MTA3: variants seen among roughly 807,000 people sequenced by gnomAD.
MTA3 encodes metastasis associated 1 family member 3.
MTA3 carries 34 observed loss-of-function variants against 83.5 expected under a neutral mutation model. The ratio of observed to expected loss-of-function variants is 0.41; its 90% CI spans 0.31 to 0.54. MTA3 has a LOEUF of 0.54. MTA3 is among the 20% of genes least tolerant of loss of function. The probability of loss-of-function intolerance (pLI) is 0.33; values close to 1 mark genes in which losing one functional copy is unlikely to be tolerated. For missense variants in MTA3, 761 were observed against 726.4 expected, an observed-to-expected ratio of 1.05 and a Z score of -0.55; for synonymous variants, 303 against 252.7, an observed-to-expected ratio of 1.20 and a Z score of -1.89.
intron 2 of MTA3, among the ~76,000 whole-genome samples, chr2:42,539,794 A>C (rs1349215227): frequency 6.6e-6 from 1 of 151,824 alleles, no homozygotes. Flanking sequence ...GCTGGTCTTG[A>C]ACTCCTGGAC....
At chr2:42,566,843 C>T (rs78149247), upstream of MTA3, among the ~76,000 whole-genome samples, 52 of 152,320 alleles carry the variant, frequency 3.4e-4, 1 homozygote, top group East Asian at 0.01. Context: ...TGGAGAAACA[C>T]TGTGGTTCAG....
chr2:42,559,917 A>G (rs745805245), intron 2 of MTA3, among the ~76,000 whole-genome samples: 60 of 151,358 alleles, frequency 4.0e-4, no homozygotes, highest in Non-Finnish European at 7.4e-4. Context: ...AAAAAACTCC[A>G]TTGGCCGTGA....
chr2:42,549,588 TTA>T (rs1491300043), intron 2 of MTA3, among the ~76,000 whole-genome samples: 1 of 118,490 alleles, frequency 8.4e-6, no homozygotes, highest in Non-Finnish European at 1.6e-5. Context: ...ATATAATATA[TTA>T]TATACATATA....
In MTA3 at chr2:42,570,402, A is replaced by T. The variant is rs763073822; in HGVS notation, c.29-35A>T. On this transcript the variant is annotated intron_variant, in intron 1 of 16. Transcript: ENST00000405094. Reference sequence around the variant, plus strand: ...GATTGACAAATCTGAACTTTCTGTTAAAAAGATTAAGTTCTGTACTTCCTT... The same window carrying T: ...GATTGACAAATCTGAACTTTCTGTTTAAAAGATTAAGTTCTGTACTTCCTT... The T allele has an allele frequency of 1.4e-5, 19 of 1,342,506 alleles. No homozygotes were observed. In the South Asian group the frequency reaches 2.4e-4, roughly 17 times the overall value. 83.2% of individuals were successfully genotyped at this position (1,342,506 alleles called of 1,614,324 possible).
chr2:42,722,588 A>G (rs2104542281), intron 15 of MTA3, among the ~76,000 whole-genome samples: 1 of 152,310 alleles, frequency 6.6e-6, no homozygotes, highest in South Asian at 2.1e-4. Flanking sequence ...CAGATGCCTT[A>G]TTCCCTTAGT....
intron 8 of MTA3, among the ~76,000 whole-genome samples, chr2:42,669,139 C>T (rs1690556949): frequency 1.4e-5 from 2 of 145,216 alleles, no homozygotes; most frequent in South Asian, 4.3e-4. Flanking sequence ...GGCTGGAGTG[C>T]AGTGGTTAGT....
intron 4 of MTA3, among the ~76,000 whole-genome samples, chr2:42,628,129 G>A (rs1385196453): frequency 3.3e-5 from 5 of 151,996 alleles, no homozygotes; most frequent in East Asian, 3.9e-4. Flanking sequence ...TGATCCACCC[G>A]CCTTGGCCTT....
At chr2:42,594,150 C>T (rs1276547711) in intron 3 of MTA3, among the ~76,000 whole-genome samples, 1 of 151,278 alleles carries the variant, frequency 6.6e-6, no homozygotes, top group Non-Finnish European at 1.5e-5. Context: ...TGGGATTTCA[C>T]TATGTTGGCC....
At chr2:42,623,389 C>T (rs779350520) in intron 4 of MTA3, among the ~76,000 whole-genome samples, 1 of 152,182 alleles carries the variant, frequency 6.6e-6, no homozygotes, top group Non-Finnish European at 1.5e-5. Context: ...TCCTGTCCAG[C>T]CTTCCCCTCC....
In MTA3 at chr2:42,581,410, C is replaced by A. The variant is rs890233071; in HGVS notation, c.190+2210C>A. Among the ~76,000 whole-genome samples, 3 of 141,138 alleles carry A rather than the reference C, an allele frequency of 2.1e-5. No homozygotes were observed. In the Admixed American group the frequency reaches 2.2e-4, roughly 11 times the overall value. The allele number at this position is 141,138 out of a possible 152,430, so 92.6% of individuals were successfully genotyped here. On this transcript the variant is annotated intron_variant, in intron 3 of 16. Coordinates refer to ENST00000405094, the MANE Select transcript of MTA3 (RefSeq NM_001330442.2). Reference sequence around the variant, plus strand: ...TCGGAGACAGGGTCTTGCTCTCTTGCCCAGGCTGGAGTGCAGTGGCAGGAT... The same window carrying A: ...TCGGAGACAGGGTCTTGCTCTCTTGACCAGGCTGGAGTGCAGTGGCAGGAT...
rs1352215853 is a variant in MTA3, at chr2:42,577,493, T to G, written c.97-1614T>G. Among the ~76,000 whole-genome samples the G allele has an allele frequency of 2.0e-5, 3 of 152,036 alleles. No homozygotes were observed. The East Asian group carries it at 5.8e-4, about 29-fold the overall frequency. ...AAACTGTTGATTTGGATTTTTTTTT[T>G]TTTTTGAGACGGATTGTCACTGTGT... On this transcript the variant is annotated intron_variant, in intron 2 of 16. Coordinates refer to ENST00000405094, the MANE Select transcript of MTA3 (RefSeq NM_001330442.2).
intron 3 of MTA3, among the ~76,000 whole-genome samples, chr2:42,581,237 A>G (rs531947282): frequency 3.3e-5 from 5 of 152,088 alleles, no homozygotes; most frequent in African/African-American, 1.2e-4. Flanking sequence ...CACATTTGCT[A>G]CTGATAATGA....
chr2:42,552,907 G>A (rs933915537), intron 2 of MTA3, among the ~76,000 whole-genome samples: 18 of 150,524 alleles, frequency 1.2e-4, no homozygotes, highest in African/African-American at 4.2e-4. Flanking sequence ...CCGAGATCGC[G>A]CCACTCCCCT....
intron 16 of MTA3, among the ~76,000 whole-genome samples, chr2:42,746,752 A>G (rs76037455): frequency 0.031 from 4,760 of 152,352 alleles, 123 homozygotes; most frequent in South Asian, 0.09. Flanking sequence ...GCAGAGATGC[A>G]TAGGGCGAGG....
chr2:42,591,861 G>C (rs1681045737), intron 3 of MTA3, among the ~76,000 whole-genome samples: 1 of 152,122 alleles, frequency 6.6e-6, no homozygotes, highest in African/African-American at 2.4e-5. Context: ...ATGTTGGCCA[G>C]GATGGTCTCT....
intron 16 of MTA3, among the ~76,000 whole-genome samples, chr2:42,748,462 T>A (rs983051286): frequency 7.2e-5 from 11 of 152,216 alleles, no homozygotes; most frequent in African/African-American, 2.7e-4. Flanking sequence ...CGCTGATTAT[T>A]TCTTCTACAG....
intron 14 of MTA3, among the ~76,000 whole-genome samples, chr2:42,709,806 T>C (rs946724724): frequency 2.6e-5 from 4 of 152,228 alleles, no homozygotes; most frequent in Non-Finnish European, 5.9e-5. Flanking sequence ...TCATGTATCA[T>C]ATATATCACC....
At chr2:42,524,075 C>G (rs1675551993) in intron 2 of MTA3, among the ~76,000 whole-genome samples, 1 of 152,086 alleles carries the variant, frequency 6.6e-6, no homozygotes, top group African/African-American at 2.4e-5. Context: ...TTGCCATGAC[C>G]TGGGGGGGCC....
At position 42,682,484 on chromosome 2, in the gene MTA3, T is replaced by A. The variant is rs1558577948; in HGVS notation, c.786T>A (p.Val262=). ...ISVLVPLGGP[V]LCRDEMEEWS... is the part of the protein sequence containing the mutation. ...TCTTAGTACCACTCGGAGGACCTGT[T>A]TTATGCAGAGATGAAATGGAGGAAT... Residue 262 remains valine, a synonymous_variant, in exon 9 of 17, where the codon GTT becomes GTA. Transcript: ENST00000405094. 6.2e-7 allele frequency: 1 copy of A among 1,612,496 alleles called. No individual in the cohort carries two copies. Among genetic ancestry groups the A allele is most frequent in the Non-Finnish European group, 8.5e-7 (1 of 1,179,284 alleles).
Sources: gnomAD v4.1 joint callset for allele counts (sites outside exome capture counted in the v4.1 genomes callset) on GRCh38, gnomAD v4.1.1 for gene constraint, MANE v1.5 for transcripts, NCBI Gene and HGNC (gene_info 2026-07-23, HGNC 2026-07-21) for gene names.